Variants in SLC7A14 observed in about 807,000 individuals in gnomAD.
SLC7A14 encodes gamma-aminobutyric acid transporter SLC7A14.
A neutral mutation model predicts 60.2 loss-of-function variants in SLC7A14; 37 were observed. That is an observed-to-expected ratio of 0.61 (90% confidence interval 0.47 to 0.81). The LOEUF (loss-of-function observed/expected upper bound fraction) is 0.81. SLC7A14 is among the 30% of genes least tolerant of loss of function. The probability of loss-of-function intolerance (pLI) is 0.00; values close to 1 mark genes in which losing one functional copy is unlikely to be tolerated. For synonymous variants in SLC7A14, 399 were observed against 395.8 expected, an observed-to-expected ratio of 1.01 and a Z score of -0.10; for missense variants, 886 against 982.7, an observed-to-expected ratio of 0.90 and a Z score of 1.32.
At chr3:170,505,211 A>G (rs182460663) in intron 2 of SLC7A14, among the ~76,000 whole-genome samples, 8 of 152,196 alleles carry the variant, frequency 5.3e-5, no homozygotes, top group Non-Finnish European at 8.8e-5. Flanking sequence ...CGACTTGATC[A>G]TCATTTTGGA....
intron 1 of SLC7A14, among the ~76,000 whole-genome samples, chr3:170,557,798 G>GT (rs1419104605): frequency 6.6e-6 from 1 of 152,180 alleles, no homozygotes; most frequent in East Asian, 1.9e-4. Flanking sequence ...AGGGTATATA[G>GT]TAAGCATTAG....
intron 2 of SLC7A14, among the ~76,000 whole-genome samples, chr3:170,510,387 C>CAAAAAAAAA (rs200708263): frequency 1.0e-5 from 1 of 99,124 alleles, no homozygotes; most frequent in Admixed American, 1.1e-4. Flanking sequence ...AAGACTCTGT[C>CAAAAAAAAA]AAAAAAAAAA....
chr3:170,571,796 C>A (rs1714962191), intron 1 of SLC7A14, among the ~76,000 whole-genome samples: 1 of 152,098 alleles, frequency 6.6e-6, no homozygotes, highest in Admixed American at 6.5e-5. Context: ...CACGTTGGCT[C>A]ATGCCTGTAA....
At chr3:170,497,185 T>A (rs1712433011) in intron 4 of SLC7A14, among the ~76,000 whole-genome samples, 1 of 152,106 alleles carries the variant, frequency 6.6e-6, no homozygotes, top group African/African-American at 2.4e-5. Flanking sequence ...TGTAATTTGT[T>A]GTTTCTCTTA....
intron 7 of SLC7A14, among the ~76,000 whole-genome samples, chr3:170,478,912 G>A (rs1055772590): frequency 4.6e-5 from 7 of 151,918 alleles, no homozygotes; most frequent in African/African-American, 1.7e-4. Context: ...TCATGAGGTT[G>A]AGAGTTCGAG....
intron 4 of SLC7A14, among the ~76,000 whole-genome samples, chr3:170,487,183 G>T (rs1457632942): frequency 2.1e-5 from 3 of 140,948 alleles, no homozygotes; most frequent in Admixed American, 7.8e-5. Flanking sequence ...CAGTCTGTCT[G>T]CCAGGAGTCC....
rs555712895 is a variant in SLC7A14, at chr3:170,480,153, G to A, written c.1993+136C>T. 23 of 798,368 alleles carry A rather than the reference G, an allele frequency of 2.9e-5. No homozygotes were observed. The East Asian group carries it at 3.2e-4, about 11-fold the overall frequency. The allele number at this position is 798,368 out of a possible 1,614,324, so 49.5% of individuals were successfully genotyped here. A position where few individuals can be genotyped will look rare whatever the true frequency, so the allele number is the denominator to read the frequency against. The stretch of plus-strand genomic sequence containing the variant: ...CAACTGGCTTTATTGACTCTTAGGC[G>A]GAACACAAGGGTCCATAGAACCAGC... On this transcript the variant is annotated intron_variant, in intron 7 of 7. Coordinates refer to ENST00000231706, the MANE Select transcript of SLC7A14 (RefSeq NM_020949.3).
In SLC7A14 at chr3:170,526,885, C is replaced by T. The variant is rs2108293827; in HGVS notation, c.52G>A (p.Ala18Thr). 3.1e-6 allele frequency: 5 copies of T among 1,613,814 alleles called. No homozygotes were observed. Among genetic ancestry groups the T allele is most frequent in the Non-Finnish European group, 4.2e-6 (5 of 1,179,902 alleles). The change falls in exon 2 of 8, where the codon GCC becomes ACC. Residue 18 changes from alanine (A) to threonine (T), a missense_variant. Physicochemically the swap from Ala to Thr is moderately conservative, Grantham distance 58. Coordinates refer to ENST00000231706, the MANE Select transcript of SLC7A14 (RefSeq NM_020949.3). ...ATCCTGGAGTGCATTGCATACCAGG[C>T]AGCTCCCCACTGCACCCGCCGGGGG... ...LDPRRVQWGA[A>T]WYAMHSRILR...
chr3:170,531,243 G>A (rs958728376), intron 1 of SLC7A14, among the ~76,000 whole-genome samples: 16 of 151,866 alleles, frequency 1.1e-4, no homozygotes, highest in South Asian at 1.0e-3. Context: ...AGGTACTTCC[G>A]GTTTCCTTCC....
At chr3:170,529,824 G>A (rs938331207) in intron 1 of SLC7A14, among the ~76,000 whole-genome samples, 2 of 152,292 alleles carry the variant, frequency 1.3e-5, no homozygotes, top group African/African-American at 4.8e-5. Flanking sequence ...GGGGAAATTT[G>A]TAAACAAAGT....
At chr3:170,554,817 T>G (rs1431669765) in intron 1 of SLC7A14, among the ~76,000 whole-genome samples, 1 of 152,202 alleles carries the variant, frequency 6.6e-6, no homozygotes. Flanking sequence ...GTCCCTTACT[T>G]GAAGATGGTG....
chr3:170,493,043 T>C (rs777843026), intron 4 of SLC7A14, among the ~76,000 whole-genome samples: 20 of 152,196 alleles, frequency 1.3e-4, no homozygotes, highest in Non-Finnish European at 2.9e-4. Context: ...ATGATTGCTA[T>C]GGACCATTTT....
chr3:170,519,048 A>C (rs931925469), intron 2 of SLC7A14, among the ~76,000 whole-genome samples: 3 of 152,114 alleles, frequency 2.0e-5, no homozygotes, highest in African/African-American at 4.8e-5. Context: ...GAGTTTGATA[A>C]TGATGATAAA....
chr3:170,524,284 C>A (rs116735112), intron 2 of SLC7A14, among the ~76,000 whole-genome samples: 1,758 of 152,280 alleles, frequency 0.012, 19 homozygotes, highest in Non-Finnish European at 0.02. Context: ...AGGTATGCAC[C>A]ATTAGTACTC....
chr3:170,489,580 A>G (rs1332612450), intron 4 of SLC7A14, among the ~76,000 whole-genome samples: 2 of 152,244 alleles, frequency 1.3e-5, no homozygotes, highest in Non-Finnish European at 2.9e-5. Flanking sequence ...CAGCAATCCC[A>G]CTGCTGGGTA....
intron 1 of SLC7A14, among the ~76,000 whole-genome samples, chr3:170,549,927 G>T (rs1714294887): frequency 6.6e-6 from 1 of 152,206 alleles, no homozygotes; most frequent in African/African-American, 2.4e-5. Context: ...ATGGGTGAAA[G>T]CTTTAGTCTA....
Position 170,550,512 on chromosome 3 carries a change from A to ATTTTTTTTTTTTTTTTTTTTTT in SLC7A14, c.-152-23446_-152-23425dup, listed in dbSNP as rs369436642. On this transcript the variant is annotated intron_variant, in intron 1 of 7. Coordinates refer to ENST00000231706, the MANE Select transcript of SLC7A14 (RefSeq NM_020949.3). ...TAAACCTAATGCCATCTTTCCTTGA[A>ATTTTTTTTTTTTTTTTTTTTTT]TTTTTTTTTTTTTTTTTTTTTTTTT... 2.1e-4 allele frequency among the ~76,000 whole-genome samples: 13 copies of ATTTTTTTTTTTTTTTTTTTTTT among 60,610 alleles called. 2 individuals are homozygous for ATTTTTTTTTTTTTTTTTTTTTT. Among genetic ancestry groups the ATTTTTTTTTTTTTTTTTTTTTT allele is most frequent in the East Asian group, 6.9e-4 (1 of 1,444 alleles). 39.8% of individuals were successfully genotyped at this position (60,610 alleles called of 152,430 possible).
Position 170,531,082 on chromosome 3 carries a change from A to G in SLC7A14, c.-152-3994T>C, listed in dbSNP as rs148636354. ...CAAAATTCTAATGTAATTTGCCTGA[A>G]GTATGGCCTATATACAGGGGTTCTT... On this transcript the variant is annotated intron_variant, in intron 1 of 7. Transcript: ENST00000231706. Among the ~76,000 whole-genome samples the G allele has an allele frequency of 1.1e-4, 17 of 152,328 alleles. No homozygotes were observed. In the East Asian group the frequency reaches 3.1e-3, roughly 28 times the overall value.
At chr3:170,523,294 T>C (rs192989162) in intron 2 of SLC7A14, among the ~76,000 whole-genome samples, 76 of 152,366 alleles carry the variant, frequency 5.0e-4, no homozygotes, top group African/African-American at 1.5e-3. Flanking sequence ...ATTGCTATAC[T>C]ACTTCTGAAA....
Sources: gnomAD v4.1 joint callset for allele counts (sites outside exome capture counted in the v4.1 genomes callset) on GRCh38, gnomAD v4.1.1 for gene constraint, MANE v1.5 for transcripts, NCBI Gene and HGNC (gene_info 2026-07-23, HGNC 2026-07-21) for gene names.